The following RPS6KA2 variants were observed in gnomAD, a reference collection of about 807,000 sequenced individuals.
RPS6KA2 encodes ribosomal protein S6 kinase A2, also known as ribosomal protein S6 kinase alpha-2.
RPS6KA2 carries 42 observed loss-of-function variants against 91.8 expected under a neutral mutation model. The observed-to-expected ratio is 0.46, with a 90% CI of 0.36 to 0.59. The LOEUF (loss-of-function observed/expected upper bound fraction) is 0.59, where lower values mean the gene tolerates loss of function less well. Ranked by LOEUF, RPS6KA2 falls within the 20% of genes least tolerant of loss-of-function variation. The pLI is 0.00. For missense variants in RPS6KA2, 798 were observed against 978.5 expected, an observed-to-expected ratio of 0.82 and a Z score of 2.46; for synonymous variants, 414 against 393.6, an observed-to-expected ratio of 1.05 and a Z score of -0.61.
At chr6:166,590,773 C>G (rs575708142) in intron 1 of RPS6KA2, among the ~76,000 whole-genome samples, 1 of 151,918 alleles carries the variant, frequency 6.6e-6, no homozygotes, top group African/African-American at 2.4e-5. Flanking sequence ...AAAAAAAAAC[C>G]TCATTGAGGC....
chr6:166,498,064 A>G (rs1781856256), intron 8 of RPS6KA2, among the ~76,000 whole-genome samples: 1 of 149,410 alleles, frequency 6.7e-6, no homozygotes, highest in Non-Finnish European at 1.5e-5. Flanking sequence ...GGTTCTGTTA[A>G]GCACTCTGCC....
At chr6:166,788,994 A>G (rs1350255722) in intron 2 of RPS6KA2, among the ~76,000 whole-genome samples, 1 of 152,114 alleles carries the variant, frequency 6.6e-6, no homozygotes, top group Non-Finnish European at 1.5e-5. Flanking sequence ...CTCACTAGGG[A>G]GTGCCAGACA....
At chr6:166,822,566 C>G (rs1779930738) in intron 2 of RPS6KA2, among the ~76,000 whole-genome samples, 1 of 152,186 alleles carries the variant, frequency 6.6e-6, no homozygotes, top group African/African-American at 2.4e-5. Flanking sequence ...GTCAGGGCAG[C>G]CCTAGACACA....
At chr6:166,607,985 G>C (rs1562338306) in intron 1 of RPS6KA2, among the ~76,000 whole-genome samples, 1 of 150,658 alleles carries the variant, frequency 6.6e-6, no homozygotes, top group Admixed American at 6.6e-5. Context: ...ACTTCTGCCA[G>C]AGCGAGAAGG....
At chr6:166,609,411 T>C (rs1786077955) in intron 1 of RPS6KA2, among the ~76,000 whole-genome samples, 1 of 152,176 alleles carries the variant, frequency 6.6e-6, no homozygotes, top group Non-Finnish European at 1.5e-5. Context: ...ATGGTTAAAA[T>C]TGCTATAGCT....
At chr6:166,697,376 T>C (rs1021253955) in intron 2 of RPS6KA2, among the ~76,000 whole-genome samples, 2 of 152,204 alleles carry the variant, frequency 1.3e-5, no homozygotes, top group Non-Finnish European at 2.9e-5. Flanking sequence ...TGGCTGGAGA[T>C]GGAGACTACA....
At chr6:166,442,255 G>A (rs1337791443) in intron 14 of RPS6KA2, among the ~76,000 whole-genome samples, 2 of 152,204 alleles carry the variant, frequency 1.3e-5, no homozygotes, top group Admixed American at 1.3e-4. Context: ...TTCTTTCATG[G>A]TTTGGGTACT....
chr6:166,685,813 C>A (rs1386970874), intron 2 of RPS6KA2, among the ~76,000 whole-genome samples: 1 of 152,214 alleles, frequency 6.6e-6, no homozygotes, highest in East Asian at 1.9e-4. Flanking sequence ...CACCTCCTTG[C>A]TGCCTTGCTC....
rs1032842170 is a variant in RPS6KA2 at position 166,558,151 on chromosome 6, A to G, written c.100-19367T>C. Among the ~76,000 whole-genome samples the G allele has an allele frequency of 2.8e-4, 37 of 131,938 alleles. 1 individual carries two copies. In the East Asian group the frequency reaches 3.5e-3, roughly 13 times the overall value. The allele number at this position is 131,938 out of a possible 152,430, so 86.6% of individuals were successfully genotyped here. ...GTGTATTACATCTATGTATGTGGGGAGAGAGAGAGAGAGAGAGAGAATGAA... is the reference window on the plus strand; with the variant it reads ...GTGTATTACATCTATGTATGTGGGGGGAGAGAGAGAGAGAGAGAGAATGAA... On this transcript the variant is annotated intron_variant, in intron 1 of 20. Coordinates refer to ENST00000265678, the MANE Select transcript of RPS6KA2 (RefSeq NM_021135.6).
At chr6:166,830,138 AAAAGAAAGAAAG>A (rs200116355) in intron 2 of RPS6KA2, among the ~76,000 whole-genome samples, 63,388 of 128,444 alleles carry the variant, frequency 0.49, 15,645 homozygotes, top group Middle Eastern at 0.65. Flanking sequence ...AAAAAAAAAA[AAAAGAAAGAAAG>A]AAAGAAAGAA....
At position 166,814,300 on chromosome 6, in the gene RPS6KA2, C is replaced by A. The variant is rs183864452; in HGVS notation, c.123+43900G>T. 1.2e-3 allele frequency among the ~76,000 whole-genome samples: 185 copies of A among 152,296 alleles called. 1 individual carries two copies. Among genetic ancestry groups the A allele is most frequent in the African/African-American group, 4.0e-3 (167 of 41,574 alleles). On this transcript the variant is annotated intron_variant, in intron 2 of 21. Coordinates refer to the RPS6KA2 transcript ENST00000503859. Reference sequence around the variant, plus strand: ...ATCTAATTTAAAAATCATATGAGTTCTTTGGTTTTAAGGCATAGTAAAGCA... The same window carrying A: ...ATCTAATTTAAAAATCATATGAGTTATTTGGTTTTAAGGCATAGTAAAGCA...
Position 166,723,446 on chromosome 6 carries a change from G to A in RPS6KA2, c.123+134754C>T, listed in dbSNP as rs528145777. ...CGTGTGCACTACCTTCTTCACCCCA[G>A]GGGGGTCCCACATGTATGCACCGCC... On this transcript the variant is annotated intron_variant, in intron 2 of 21. Coordinates refer to the RPS6KA2 transcript ENST00000503859. 2.5e-4 allele frequency among the ~76,000 whole-genome samples: 38 copies of A among 152,162 alleles called. 1 individual carries two copies. The South Asian group carries it at 7.9e-3, about 32-fold the overall frequency.
chr6:166,710,920 G>A (rs1317170600), intron 2 of RPS6KA2, among the ~76,000 whole-genome samples: 1 of 152,202 alleles, frequency 6.6e-6, no homozygotes, highest in Non-Finnish European at 1.5e-5. Flanking sequence ...GACCAGGGAA[G>A]GGGGCAGAAA....
At position 166,858,326 on chromosome 6, in the gene RPS6KA2, G is replaced by A. The variant is rs1780963641; in HGVS notation, c.64-67C>T. 1.3e-5 allele frequency: 11 copies of A among 824,558 alleles called. No homozygotes were observed. In the South Asian group the frequency reaches 1.6e-4, roughly 12 times the overall value. The allele number at this position is 824,558 out of a possible 1,614,324, so 51.1% of individuals were successfully genotyped here. A position where few individuals can be genotyped will look rare whatever the true frequency, so the allele number is the denominator to read the frequency against. On this transcript the variant is annotated intron_variant, in intron 1 of 21. Transcript: ENST00000503859. ...TGTGTTTGTAGGTGGCCTCATACAG[G>A]TTACCAATATGAAAAAGTACTAACT...
At chr6:166,641,542 G>A (rs1196157295) in intron 2 of RPS6KA2, among the ~76,000 whole-genome samples, 2 of 151,268 alleles carry the variant, frequency 1.3e-5, no homozygotes, top group African/African-American at 4.9e-5. Context: ...TGGCCAACAT[G>A]GCGAAACCCC....
At chr6:166,633,141 A>C (rs1254637634) in intron 2 of RPS6KA2, among the ~76,000 whole-genome samples, 1 of 152,120 alleles carries the variant, frequency 6.6e-6, no homozygotes, top group Non-Finnish European at 1.5e-5. Flanking sequence ...GATCACTTGA[A>C]CCTGGGAGGC....
At chr6:166,660,439 G>T (rs920469288) in intron 2 of RPS6KA2, among the ~76,000 whole-genome samples, 4 of 151,648 alleles carry the variant, frequency 2.6e-5, no homozygotes, top group African/African-American at 9.7e-5. Flanking sequence ...AGAGAAGAAG[G>T]GAGGGAGGAG....
chr6:166,824,801 GTGTCTA>G (rs112811891), intron 2 of RPS6KA2, among the ~76,000 whole-genome samples: 18 of 27,138 alleles, frequency 6.6e-4, no homozygotes, highest in Non-Finnish European at 1.8e-3. Flanking sequence ...GTGTGTCTGT[GTGTCTA>G]TGTGTGTCTG....
chr6:166,412,767 G>A lies in RPS6KA2; in HGVS notation c.2197C>T (p.Leu733=), dbSNP rs909631. ...TGGGGCCAGGGTCCCACCCGCTACA[G>A]CCGCGTGGACGTGAGTCTCTTCATG... ...RGMKRLTSTR[L] is the part of the protein sequence containing the mutation. The change falls in exon 21 of 21, where the codon CTG becomes TTG. Residue 733 remains leucine, a synonymous_variant. Transcript: ENST00000265678. The surrounding 1 kb of genome is among the most constrained non-coding windows in gnomAD (Gnocchi z 4.3). 0.66 allele frequency: 1,060,172 copies of A among 1,595,598 alleles called. 358,183 individuals carry two copies. The highest frequency in any genetic ancestry group is 0.83 in the South Asian group (72,833 of 88,068).
Sources: gnomAD v4.1 joint callset for allele counts (sites outside exome capture counted in the v4.1 genomes callset) on GRCh38, gnomAD v4.1.1 for gene constraint, Gnocchi (gnomAD v3.1) non-coding constraint, MANE v1.5 for transcripts, NCBI Gene and HGNC (gene_info 2026-07-23, HGNC 2026-07-21) for gene names.